Variants in NRG1 observed in about 807,000 individuals in gnomAD.
NRG1 encodes neuregulin 1.
Under a neutral mutation model 63.8 loss-of-function variants are expected in NRG1, and 18 were observed. The observed-to-expected ratio is 0.28, with a 90% CI of 0.19 to 0.42. NRG1 has a LOEUF of 0.42. Among genes scored for constraint, NRG1 ranks in the 10% least tolerant of loss-of-function variants. The pLI is 1.00. For synonymous variants in NRG1, 302 were observed against 301.3 expected, an observed-to-expected ratio of 1.00 and a Z score of -0.02; for missense variants, 762 against 814.7, an observed-to-expected ratio of 0.94 and a Z score of 0.79.
chr8:32,735,298 G>A (rs1032186403), intron 6 of NRG1, among the ~76,000 whole-genome samples: 2 of 152,014 alleles, frequency 1.3e-5, no homozygotes, highest in African/African-American at 4.8e-5. Context: ...TTTATAACTT[G>A]GCTATTGTGA....
At chr8:32,091,303 G>A (rs994159078) in intron 1 of NRG1, among the ~76,000 whole-genome samples, 1 of 151,768 alleles carries the variant, frequency 6.6e-6, no homozygotes, top group African/African-American at 2.4e-5. Context: ...GAAGTAATTG[G>A]ATGAGGTGAT....
At chr8:31,836,481 T>C (rs1278392931) in intron 1 of NRG1, among the ~76,000 whole-genome samples, 3 of 152,140 alleles carry the variant, frequency 2.0e-5, no homozygotes, top group African/African-American at 7.2e-5. Flanking sequence ...TGTATCTTTT[T>C]AAACATTCAG....
At chr8:31,883,457 A>T (rs1830503476) in intron 1 of NRG1, among the ~76,000 whole-genome samples, 1 of 152,144 alleles carries the variant, frequency 6.6e-6, no homozygotes, top group South Asian at 2.1e-4. Context: ...AGGTATGCCT[A>T]TGCTTGAAAA....
chr8:31,955,774 A>G (rs1278473848), intron 1 of NRG1, among the ~76,000 whole-genome samples: 5 of 151,986 alleles, frequency 3.3e-5, no homozygotes, highest in Admixed American at 1.3e-4. Flanking sequence ...GCAGTTGCTC[A>G]TGGCTGTAAT....
chr8:32,673,926 C>T (rs958066953), intron 5 of NRG1, among the ~76,000 whole-genome samples: 25 of 152,172 alleles, frequency 1.6e-4, no homozygotes, highest in Admixed American at 5.2e-4. Context: ...AAAAATGCCA[C>T]AACATGACTT....
chr8:32,279,097 A>G (rs1332916176), intron 1 of NRG1, among the ~76,000 whole-genome samples: 1 of 152,202 alleles, frequency 6.6e-6, no homozygotes, highest in Non-Finnish European at 1.5e-5. Flanking sequence ...GCAGCCAGCA[A>G]TACTAGAGAA....
chr8:32,709,339 T>G (rs1817238951), intron 5 of NRG1, among the ~76,000 whole-genome samples: 1 of 152,204 alleles, frequency 6.6e-6, no homozygotes, highest in Non-Finnish European at 1.5e-5. Flanking sequence ...ATTCTCAGAT[T>G]TCTTCCATAG....
At chr8:32,446,038 T>C (rs1363671610) in intron 1 of NRG1, among the ~76,000 whole-genome samples, 1 of 152,200 alleles carries the variant, frequency 6.6e-6, no homozygotes, top group Non-Finnish European at 1.5e-5. Flanking sequence ...CTCAAATAAA[T>C]GGACTAATTT....
Position 31,712,255 on chromosome 8 carries a change from C to CTTTTTTTTTTTTT in NRG1, c.37+72842_37+72854dup, listed in dbSNP as rs57363109. ...TGACTTCCTGTTTCTTCTTCATGAT[C>CTTTTTTTTTTTTT]TTTTTTTTTTTTTTTTTTTTTTTTT... On this transcript the variant is annotated intron_variant, in intron 1 of 10. Coordinates refer to the NRG1 transcript ENST00000519301. Among the ~76,000 whole-genome samples, 119 of 72,346 alleles carry CTTTTTTTTTTTTT rather than the reference C, an allele frequency of 1.6e-3. 13 individuals carry two copies. The highest frequency in any genetic ancestry group is 2.0e-3 in the Non-Finnish European group (78 of 39,656). 47.5% of individuals were successfully genotyped at this position (72,346 alleles called of 152,430 possible). A position where few individuals can be genotyped will look rare whatever the true frequency, so the allele number is the denominator to read the frequency against.
chr8:31,753,346 C>A (rs1041430420), intron 1 of NRG1, among the ~76,000 whole-genome samples: 2 of 145,834 alleles, frequency 1.4e-5, no homozygotes, highest in Non-Finnish European at 3.0e-5. Flanking sequence ...AAAAAAAAAA[C>A]CTGAGAGATG....
chr8:32,536,069 C>A (rs1310173233), intron 1 of NRG1, among the ~76,000 whole-genome samples: 1 of 152,224 alleles, frequency 6.6e-6, no homozygotes, highest in Non-Finnish European at 1.5e-5. Flanking sequence ...TTGCCCAATG[C>A]AATTCAATCT....
At chr8:32,318,487 G>A (rs998907825) in intron 1 of NRG1, among the ~76,000 whole-genome samples, 1 of 152,122 alleles carries the variant, frequency 6.6e-6, no homozygotes, top group African/African-American at 2.4e-5. Context: ...AAGAAGTTAA[G>A]TGACTTAACC....
Position 31,927,646 on chromosome 8 carries a change from C to A in NRG1, c.37+288215C>A, listed in dbSNP as rs544841345. Among the ~76,000 whole-genome samples the A allele has an allele frequency of 1.8e-3, 273 of 148,850 alleles. 6 individuals carry two copies. The highest frequency in any genetic ancestry group is 0.017 in the Middle Eastern group (5 of 288). On this transcript the variant is annotated intron_variant, in intron 1 of 10. Transcript: ENST00000519301. ...TGTATTTTTAGTAGAGACGGGGTTTCACCGTTTTAGCCGGGATGGTCTCGA... is the reference window on the plus strand; with the variant it reads ...TGTATTTTTAGTAGAGACGGGGTTTAACCGTTTTAGCCGGGATGGTCTCGA...
chr8:32,115,316 C>T (rs12546345), intron 1 of NRG1, among the ~76,000 whole-genome samples: 68,989 of 151,826 alleles, frequency 0.45, 16,447 homozygotes, highest in Admixed American at 0.53. Context: ...CTTTTGACGC[C>T]CCACAGCCTT....
chr8:31,858,348 C>T (rs1310586638), intron 1 of NRG1, among the ~76,000 whole-genome samples: 1 of 151,024 alleles, frequency 6.6e-6, no homozygotes, highest in Non-Finnish European at 1.5e-5. Context: ...GTTGACCATT[C>T]TATGATCGTT....
chr8:31,979,051 T>C (rs976034764), intron 1 of NRG1, among the ~76,000 whole-genome samples: 3 of 152,282 alleles, frequency 2.0e-5, no homozygotes, highest in African/African-American at 7.2e-5. Context: ...ATTCAAGGTC[T>C]TCCCAGAGAG....
chr8:31,700,073 G>A (rs1810481718), intron 1 of NRG1, among the ~76,000 whole-genome samples: 1 of 151,990 alleles, frequency 6.6e-6, no homozygotes, highest in Non-Finnish European at 1.5e-5. Flanking sequence ...CCCCATGCAG[G>A]TACTCTCCTG....
At chr8:31,845,405 G>C (rs561327915) in intron 1 of NRG1, among the ~76,000 whole-genome samples, 33 of 152,158 alleles carry the variant, frequency 2.2e-4, no homozygotes, top group African/African-American at 7.5e-4. Flanking sequence ...TTTTCTAAGG[G>C]ACAAATACTA....
At chr8:32,595,211 A>G (rs933035183) in intron 1 of NRG1, among the ~76,000 whole-genome samples, 2 of 151,856 alleles carry the variant, frequency 1.3e-5, no homozygotes, top group Non-Finnish European at 2.9e-5. Context: ...TCTTTTTGAA[A>G]CAGAATCTCA....
Sources: gnomAD v4.1 joint callset for allele counts (sites outside exome capture counted in the v4.1 genomes callset) on GRCh38, gnomAD v4.1.1 for gene constraint, MANE v1.5 for transcripts, NCBI Gene and HGNC (gene_info 2026-07-23, HGNC 2026-07-21) for gene names.